The following ACAT1 variants were observed in gnomAD, a reference collection of about 807,000 sequenced individuals.
The protein encoded by ACAT1 is acetyl-CoA acetyltransferase, mitochondrial.
In ACAT1, 28 loss-of-function variants were observed where a neutral mutation model predicts 47.3. That is an observed-to-expected ratio of 0.59 (90% confidence interval 0.44 to 0.81). The LOEUF (loss-of-function observed/expected upper bound fraction) is 0.81. Among genes scored for constraint, ACAT1 ranks in the 30% least tolerant of loss-of-function variants. The pLI is 0.00. For synonymous variants in ACAT1, 181 were observed against 173.6 expected (o/e 1.04, Z -0.34); for missense variants, 469 against 524.3 (o/e 0.89, Z 1.03).
rs1591371045 is a variant in ACAT1, at chr11:108,142,461, G to A, written c.851G>A (p.Ser284Asn). Residue 284 changes from serine (S) to asparagine (N), a missense_variant, in exon 9 of 12, where the codon AGT becomes AAT. Ser to Asn is a conservative substitution (Grantham distance 46, BLOSUM62 1). Coordinates refer to ENST00000265838, the MANE Select transcript of ACAT1 (RefSeq NM_000019.4). Reference sequence around the variant, plus strand: ...GGCACAGTAACAGCTGCCAATGCCAGTACACTGAATGATGGAGCAGCTGCT... The same window carrying A: ...GGCACAGTAACAGCTGCCAATGCCAATACACTGAATGATGGAGCAGCTGCT... ...ENGTVTAANA[S>N]TLNDGAAALV... 1 of 1,614,138 alleles carries A rather than the reference G, an allele frequency of 6.2e-7. No homozygotes were observed. The highest frequency in any genetic ancestry group is 8.5e-7 in the Non-Finnish European group (1 of 1,179,994).
intron 5 of ACAT1, among the ~76,000 whole-genome samples, chr11:108,137,243 A>T (rs937434324): frequency 2.0e-5 from 3 of 152,192 alleles, no homozygotes; most frequent in Non-Finnish European, 4.4e-5. Flanking sequence ...GGTGTTTTAC[A>T]TGTTGGTGGA....
At chr11:108,145,447 C>T (rs990102935) in intron 10 of ACAT1, among the ~76,000 whole-genome samples, 30 of 148,934 alleles carry the variant, frequency 2.0e-4, no homozygotes, top group Admixed American at 1.9e-3. Flanking sequence ...GGAGGCAGAT[C>T]GCTTGAGCCT....
intron 5 of ACAT1, chr11:108,136,190 T>A: frequency 1.8e-6 from 1 of 555,616 alleles, no homozygotes; most frequent in South Asian, 2.5e-5. Context: ...GATGAAGATT[T>A]TTTTCAGTGT....
chr11:108,144,202 C>CA, intron 10 of ACAT1, 155 bp downstream of exon 10: 1 of 757,244 alleles, frequency 1.3e-6, no homozygotes, highest in Non-Finnish European at 2.2e-6. Flanking sequence ...AGAGTAAGAG[C>CA]AACAAGGATA....
chr11:108,143,268 ATCTTGTC>A (rs1313549632), intron 9 of ACAT1: 1 of 152,188 alleles, frequency 6.6e-6, no homozygotes, highest in Non-Finnish European at 1.5e-5. Context: ...ACAGAGCAAG[ATCTTGTC>A]TCTTTTTCTT....
At chr11:108,135,920 G>C (rs916226703) in intron 5 of ACAT1, 2 of 422,238 alleles carry the variant, frequency 4.7e-6, no homozygotes, top group African/African-American at 2.0e-5. Context: ...GAATAAGACA[G>C]GTTTTCATTA....
chr11:108,116,734 A>G (rs1305074844), upstream of ACAT1, among the ~76,000 whole-genome samples: 2 of 152,168 alleles, frequency 1.3e-5, no homozygotes, highest in African/African-American at 4.8e-5. Context: ...AGCCACACAC[A>G]GGGGAGAAGA....
intron 1 of ACAT1, among the ~76,000 whole-genome samples, chr11:108,126,040 T>C (rs1201885535): frequency 2.0e-5 from 3 of 152,146 alleles, no homozygotes; most frequent in Non-Finnish European, 4.4e-5. Context: ...TCACACTCTG[T>C]TGCACAGGCT....
chr11:108,137,057 G>C (rs1173986668), intron 5 of ACAT1: 2 of 151,982 alleles, frequency 1.3e-5, no homozygotes, highest in Non-Finnish European at 2.9e-5. Flanking sequence ...AGGGTGTCTG[G>C]CCTCAAAGGA....
chr11:108,136,330 A>C, intron 5 of ACAT1: 1 of 390,650 alleles, frequency 2.6e-6, no homozygotes, highest in Non-Finnish European at 4.5e-6. Context: ...TGCCTAAAAG[A>C]AATGCTGAGT....
At chr11:108,139,946 C>T (rs1448558626) in intron 6 of ACAT1, 119 bp from the exon 7 acceptor site, 51 of 1,291,582 alleles carry the variant, frequency 3.9e-5, no homozygotes, top group East Asian at 1.3e-4. Flanking sequence ...CCACCACCTC[C>T]GGCCTAAGAA....
chr11:108,134,655 A>G lies in ACAT1; in HGVS notation c.334+339A>G, dbSNP rs528113184. Among the ~76,000 whole-genome samples the G allele has an allele frequency of 2.7e-3, 388 of 141,980 alleles. 1 individual carries two copies. Among genetic ancestry groups the G allele is most frequent in the African/African-American group, 0.01 (381 of 38,080 alleles). The allele number at this position is 141,980 out of a possible 152,430, so 93.1% of individuals were successfully genotyped here. A position where few individuals can be genotyped will look rare whatever the true frequency, so the allele number is the denominator to read the frequency against. ...TCTGTCTGAAAGAAAAAAAAAAAAA[A>G]AAAAAAAAGGCTGGGCATGGTAGCT... is the stretch of plus-strand genomic sequence containing the variant. On this transcript the variant is annotated intron_variant, in intron 4 of 11. Coordinates refer to ENST00000265838, the MANE Select transcript of ACAT1 (RefSeq NM_000019.4).
rs377295639 is a variant in ACAT1 at position 108,147,273 on chromosome 11, G to A, written c.1167G>A (p.Met389Ile). The stretch of plus-strand genomic sequence containing the variant: ...GTAAATGCTTTCTTAATTTTAGGAT[G>A]TCTGGAGCCAGGATTGTTGGTCATT... ...GAVSLGHPIG[M>I]SGARIVGHLT... is the part of the protein sequence containing the mutation. The change falls in exon 12 of 12, where the codon ATG becomes ATA. Residue 389 changes from methionine (M) to isoleucine (I), a missense_variant. Coordinates refer to ENST00000265838, the MANE Select transcript of ACAT1 (RefSeq NM_000019.4). 5.6e-6 allele frequency: 9 copies of A among 1,613,720 alleles called. No homozygotes were observed. Among genetic ancestry groups the A allele is most frequent in the African/African-American group, 1.3e-5 (1 of 74,908 alleles).
rs767382364 is a variant in ACAT1, at chr11:108,135,182, T to C, written c.375T>C (p.Val125=). 2.4e-5 allele frequency: 38 copies of C among 1,613,984 alleles called. No individual in the cohort carries two copies. The South Asian group carries it at 4.1e-4, about 17-fold the overall frequency. ...CTCCATGTACCACCATAAACAAAGT[T>C]TGTGCTTCAGGAATGAAAGCCATCA... is the stretch of plus-strand genomic sequence containing the variant. ...ISTPCTTINK[V]CASGMKAIMM... Residue 125 remains valine (V), a synonymous_variant, in exon 5 of 12, where the codon GTT becomes GTC. Transcript: ENST00000265838.
At chr11:108,122,012 T>C (rs776467591) in intron 1 of ACAT1, 79 of 457,824 alleles carry the variant, frequency 1.7e-4, no homozygotes, top group Admixed American at 4.7e-4. Flanking sequence ...TCGGGGAGAG[T>C]CTCTTTGCAG....
chr11:108,121,976 G>A (rs2077158785), intron 1 of ACAT1: 1 of 508,478 alleles, frequency 2.0e-6, no homozygotes, highest in South Asian at 2.1e-5. Flanking sequence ...GCCAGGATTG[G>A]CGCTGGCCCG....
Position 108,147,286 on chromosome 11 carries a change from A to ATTGT in ACAT1, c.1182_1185dup (p.Gly396CysfsTer65), listed in dbSNP as rs1196787539. On this transcript the variant is annotated frameshift_variant, in exon 12 of 12. Transcript: ENST00000265838. LOFTEE classifies it high-confidence loss of function. ...TAATTTTAGGATGTCTGGAGCCAGGATTGTTGGTCATTTGACTCATGCCTT... is the reference window on the plus strand; with the variant it reads ...TAATTTTAGGATGTCTGGAGCCAGGATTGTTTGTTGGTCATTTGACTCATGCCTT... 6.2e-7 allele frequency: 1 copy of ATTGT among 1,613,818 alleles called. No homozygotes were observed. Among genetic ancestry groups the ATTGT allele is most frequent in the Non-Finnish European group, 8.5e-7 (1 of 1,179,910 alleles).
chr11:108,134,641 GAA>G (rs71047674), intron 4 of ACAT1, among the ~76,000 whole-genome samples: 144 of 64,100 alleles, frequency 2.2e-3, no homozygotes, highest in Admixed American at 5.4e-3. Flanking sequence ...CTGTCTGAAA[GAA>G]AAAAAAAAAA....
At chr11:108,126,633 G>A (rs2077251740) in intron 1 of ACAT1, among the ~76,000 whole-genome samples, 1 of 152,052 alleles carries the variant, frequency 6.6e-6, no homozygotes, top group Non-Finnish European at 1.5e-5. Context: ...ATGGTGGCTT[G>A]GACTAGGTGG....
Sources: gnomAD v4.1 joint callset for allele counts (sites outside exome capture counted in the v4.1 genomes callset) on GRCh38, gnomAD v4.1.1 for gene constraint, MANE v1.5 for transcripts, NCBI Gene and HGNC (gene_info 2026-07-23, HGNC 2026-07-21) for gene names.